The following PARVB variants were observed in gnomAD, a reference collection of about 807,000 sequenced individuals.
The protein encoded by PARVB is beta-parvin.
Under a neutral mutation model 47.0 loss-of-function variants are expected in PARVB, and 46 were observed. That is an observed-to-expected ratio of 0.98 (90% CI 0.77 to 1.25). The LOEUF (loss-of-function observed/expected upper bound fraction) is 1.25, where lower values mean the gene tolerates loss of function less well. Among genes scored for constraint, PARVB ranks in the 50% most tolerant of loss-of-function variants. PARVB has a pLI of 0.00. For missense variants in PARVB, 473 were observed against 471.6 expected (o/e 1.00, Z -0.03); for synonymous variants, 196 against 196.3 (o/e 1.00, Z 0.01).
At chr22:44,004,520 T>C (rs927957899) in intron 2 of PARVB, among the ~76,000 whole-genome samples, 2 of 152,162 alleles carry the variant, frequency 1.3e-5, no homozygotes, top group African/African-American at 4.8e-5. Flanking sequence ...CCCAGCGAGT[T>C]CCTGCTTACC....
At chr22:44,084,005 A>G (rs2051967754) in intron 1 of PARVB, among the ~76,000 whole-genome samples, 1 of 152,224 alleles carries the variant, frequency 6.6e-6, no homozygotes, top group Non-Finnish European at 1.5e-5. Flanking sequence ...GATCCAGCAC[A>G]TAGAAGGTGT....
chr22:44,078,431 G>C (rs1447134636), intron 1 of PARVB, among the ~76,000 whole-genome samples: 6 of 152,106 alleles, frequency 3.9e-5, no homozygotes, highest in African/African-American at 1.4e-4. Flanking sequence ...CCTTTTCCTG[G>C]CCAGGGTTAC....
chr22:44,119,485 G>C (rs2052992269), intron 4 of PARVB, among the ~76,000 whole-genome samples: 1 of 152,222 alleles, frequency 6.6e-6, no homozygotes, highest in African/African-American at 2.4e-5. Context: ...GGCAGCAGGA[G>C]GGAAGCGGGT....
intron 1 of PARVB, among the ~76,000 whole-genome samples, chr22:44,077,001 A>G (rs2051789955): frequency 6.6e-6 from 1 of 152,004 alleles, no homozygotes; most frequent in Non-Finnish European, 1.5e-5. Flanking sequence ...CCTTTGGTTG[A>G]CACTCTTGAG....
At position 44,068,204 on chromosome 22, in the gene PARVB, A is replaced by G. The variant is rs1429457865; in HGVS notation, c.113-25724A>G. Reference sequence around the variant, plus strand: ...TGGGGGACTGGTAATTGGAATAAATAAAAGCTAATCGTGCTTCCTGGATGC... The same window carrying G: ...TGGGGGACTGGTAATTGGAATAAATGAAAGCTAATCGTGCTTCCTGGATGC... On this transcript the variant is annotated intron_variant, in intron 1 of 12. Transcript: ENST00000338758. This position sits in a 1 kb window ranked among gnomAD's most constrained non-coding sequence, Gnocchi z 4.1. Among the ~76,000 whole-genome samples the G allele has an allele frequency of 6.6e-6, 1 of 152,200 alleles. No individual in the cohort carries two copies. The highest frequency in any genetic ancestry group is 1.5e-5 in the Non-Finnish European group (1 of 68,026).
At chr22:44,082,283 C>T (rs1329141676) in intron 1 of PARVB, among the ~76,000 whole-genome samples, 1 of 152,120 alleles carries the variant, frequency 6.6e-6, no homozygotes, top group African/African-American at 2.4e-5. Context: ...CTTTGGGAGG[C>T]CGAGGCAGGT....
At chr22:44,023,250 C>A (rs1358205885), upstream of PARVB, among the ~76,000 whole-genome samples, 1 of 152,022 alleles carries the variant, frequency 6.6e-6, no homozygotes, top group African/African-American at 2.4e-5. Context: ...GTGGCTCACA[C>A]CTATAATCCC....
At chr22:44,100,875 A>T (rs1471030251) in intron 3 of PARVB, among the ~76,000 whole-genome samples, 1 of 152,170 alleles carries the variant, frequency 6.6e-6, no homozygotes, top group African/African-American at 2.4e-5. Context: ...GCTCTTGGGC[A>T]CACGGCTGTG....
intron 2 of PARVB, among the ~76,000 whole-genome samples, chr22:44,011,848 C>T (rs1311438278): frequency 2.0e-5 from 3 of 152,132 alleles, no homozygotes; most frequent in Admixed American, 2.0e-4. Flanking sequence ...ATCATTCTCT[C>T]CTTCATCCAA....
chr22:44,033,485 C>T (rs1346018782), intron 1 of PARVB, among the ~76,000 whole-genome samples: 2 of 152,210 alleles, frequency 1.3e-5, no homozygotes, highest in Non-Finnish European at 2.9e-5. Flanking sequence ...CCTTCCTCAC[C>T]AGCCTACGGC....
chr22:44,100,902 C>T (rs2052427718), intron 3 of PARVB, among the ~76,000 whole-genome samples: 1 of 152,148 alleles, frequency 6.6e-6, no homozygotes, highest in Non-Finnish European at 1.5e-5. Flanking sequence ...ACTTGGCTTC[C>T]ATAGCCCACG....
At chr22:44,021,822 C>G (rs2050653849), upstream of PARVB, among the ~76,000 whole-genome samples, 1 of 147,500 alleles carries the variant, frequency 6.8e-6, no homozygotes, top group African/African-American at 2.5e-5. Flanking sequence ...CACACAGGGC[C>G]TAGTAGAGAC....
At position 44,034,189 on chromosome 22, in the gene PARVB, CAATTAT is replaced by C. The variant is rs558611908; in HGVS notation, c.112+9752_112+9757del. ...TGTCTGCATTCTTTTACTGCAACAG[CAATTAT>C]AATTATAATTATATTATAAAGAATA... On this transcript the variant is annotated intron_variant, in intron 1 of 12. Coordinates refer to ENST00000338758, the MANE Select transcript of PARVB (RefSeq NM_013327.5). Among the ~76,000 whole-genome samples the C allele has an allele frequency of 3.9e-3, 583 of 149,122 alleles. 4 individuals carry two copies. Among genetic ancestry groups the C allele is most frequent in the African/African-American group, 0.014 (551 of 40,716 alleles).
chr22:44,136,685 C>A (rs552580000), intron 7 of PARVB, among the ~76,000 whole-genome samples, 167 bp downstream of exon 7: 6 of 152,330 alleles, frequency 3.9e-5, no homozygotes, highest in African/African-American at 1.4e-4. Context: ...AGCTCTCCTC[C>A]CTCTGCACAC....
intron 2 of PARVB, among the ~76,000 whole-genome samples, chr22:44,003,654 A>G (rs564076536): frequency 1.3e-5 from 2 of 152,168 alleles, no homozygotes; most frequent in East Asian, 3.9e-4. Flanking sequence ...CTGCTCTTCC[A>G]GGGGTGGGGA....
At chr22:44,065,486 A>G (rs2051500738) in intron 1 of PARVB, among the ~76,000 whole-genome samples, 1 of 151,926 alleles carries the variant, frequency 6.6e-6, no homozygotes, top group Admixed American at 6.6e-5. Context: ...TTTATTGTTT[A>G]TTTCAACAGG....
chr22:44,140,143 G>A lies in PARVB; in HGVS notation c.712G>A (p.Glu238Lys), dbSNP rs542565314. 1.2e-5 allele frequency: 19 copies of A among 1,562,074 alleles called. No individual in the cohort carries two copies. In the African/African-American group the frequency reaches 1.4e-4, roughly 12 times the overall value. ...TTTEMMMGRF[E>K]RDAFDTLFDH... ...TTGCAGGATGATGATGGGCCGGTTCGGTAAGTAACCCCAGGGAAAGTGGGG... is the reference window on the plus strand; with the variant it reads ...TTGCAGGATGATGATGGGCCGGTTCAGTAAGTAACCCCAGGGAAAGTGGGG... The change falls in exon 8 of 13, where the codon GAG becomes AAG. Residue 238 changes from glutamate to lysine, a missense_variant and splice_region_variant. Transcript: ENST00000338758.
chr22:44,099,961 C>A (rs1253021711), intron 2 of PARVB, 92 bp from the exon 3 acceptor site: 2 of 1,016,168 alleles, frequency 2.0e-6, no homozygotes, highest in Non-Finnish European at 3.1e-6. Flanking sequence ...TCTGCTTCTC[C>A]ATTTGTCAGA....
intron 2 of PARVB, among the ~76,000 whole-genome samples, chr22:44,004,403 C>A (rs999238735): frequency 1.3e-5 from 2 of 152,102 alleles, no homozygotes; most frequent in East Asian, 1.9e-4. Flanking sequence ...TGTGACCCCC[C>A]CCTTACTCTC....
Sources: allele counts gnomAD v4.1 joint callset (sites outside exome capture counted in the v4.1 genomes callset), GRCh38; gene constraint gnomAD v4.1.1; non-coding constraint Gnocchi (gnomAD v3.1); transcripts MANE v1.5; gene names NCBI Gene and HGNC (gene_info 2026-07-23, HGNC 2026-07-21).